The following COX19 variants were observed in gnomAD, a reference collection of about 807,000 sequenced individuals.
COX19 encodes the protein cytochrome c oxidase assembly protein COX19.
In COX19, 8 loss-of-function variants were observed where a neutral mutation model predicts 6.8. The observed-to-expected ratio is 1.18, with a 90% CI of 0.69 to 2.12. The LOEUF (loss-of-function observed/expected upper bound fraction) is 2.12. Ranked by LOEUF, COX19 falls within the 30% of genes most tolerant of loss-of-function variation. The pLI, the probability that COX19 is intolerant of heterozygous loss-of-function variation, is 0.00. For synonymous variants in COX19, 51 were observed against 38.0 expected (o/e 1.34, Z -1.26); for missense variants, 131 against 104.6 (o/e 1.25, Z -1.10).
intron 2 of COX19, 137 bp from the exon 3 acceptor site, chr7:969,593 T>TCGGCCC (rs1301694367): frequency 1.7e-5 from 12 of 686,152 alleles, no homozygotes; most frequent in Non-Finnish European, 3.1e-5. Flanking sequence ...CCCCTCGGCC[T>TCGGCCC]CGGCCCCCGT....
In COX19 at chr7:972,377, C is replaced by T. The variant is rs374096466; in HGVS notation, c.194+804G>A. Among the ~76,000 whole-genome samples, 25 of 152,264 alleles carry T rather than the reference C, an allele frequency of 1.6e-4. 1 individual carries two copies. The highest frequency in any genetic ancestry group is 5.8e-4 in the African/African-American group (24 of 41,546). On this transcript the variant is annotated intron_variant, in intron 2 of 2. Transcript: ENST00000344111. ...ATAACCCCGAACACACCTGTGTGGC[C>T]GGAAAGGCACAACGGATTTTTGCCT...
At chr7:970,180 G>C (rs1847616394) in intron 2 of COX19, among the ~76,000 whole-genome samples, 1 of 151,948 alleles carries the variant, frequency 6.6e-6, no homozygotes, top group Non-Finnish European at 1.5e-5. Flanking sequence ...TATTGCCCAG[G>C]CTGGAGTGCA....
At chr7:975,332 A>C (rs1847690091) in intron 1 of COX19, 96 bp downstream of exon 1, 5 of 968,344 alleles carry the variant, frequency 5.2e-6, no homozygotes, top group Non-Finnish European at 7.5e-6. Flanking sequence ...CCCCGCCTGC[A>C]CCGCGCTAGA....
chr7:968,526 C>T lies in COX19; in HGVS notation c.*852G>A, dbSNP rs1443827820. The T allele has an allele frequency of 1.3e-5, 2 of 152,312 alleles. No homozygotes were observed. Among genetic ancestry groups the T allele is most frequent in the Non-Finnish European group, 2.9e-5 (2 of 68,084 alleles). The allele number at this position is 152,312 out of a possible 1,614,324, so 9.4% of individuals were successfully genotyped here. ...AGATGTGCAGGCACCTGCGTTCCATCCACAGGTTTGGGCCCCGGCTGGCCT... is the reference window on the plus strand; with the variant it reads ...AGATGTGCAGGCACCTGCGTTCCATTCACAGGTTTGGGCCCCGGCTGGCCT... On this transcript the variant is annotated 3_prime_UTR_variant, in exon 3 of 3. Transcript: ENST00000344111.
At chr7:969,666 G>A (rs966368001) in intron 2 of COX19, among the ~76,000 whole-genome samples, 12 of 152,076 alleles carry the variant, frequency 7.9e-5, no homozygotes, top group Admixed American at 5.2e-4. Context: ...ACCTAGAGAC[G>A]TCCCAGGGCC....
At chr7:970,209 A>G (rs1847616817) in intron 2 of COX19, among the ~76,000 whole-genome samples, 1 of 151,786 alleles carries the variant, frequency 6.6e-6, no homozygotes, top group Non-Finnish European at 1.5e-5. Flanking sequence ...ATCTCGGCTC[A>G]CTGCAGCCTC....
chr7:974,028 A>G (rs1847669773), intron 1 of COX19, among the ~76,000 whole-genome samples: 1 of 151,426 alleles, frequency 6.6e-6, no homozygotes, highest in African/African-American at 2.4e-5. Flanking sequence ...TTAAAATAAA[A>G]AATAAAAAAA....
rs934293413 is a variant in COX19 at position 967,188 on chromosome 7, G to A, written c.*2190C>T. 1 of 152,158 alleles carries A rather than the reference G, an allele frequency of 6.6e-6. No individual in the cohort carries two copies. Among genetic ancestry groups the A allele is most frequent in the African/African-American group, 2.4e-5 (1 of 41,418 alleles). The allele number at this position is 152,158 out of a possible 1,614,324, so 9.4% of individuals were successfully genotyped here. ...CTGTCAGTTTTGCTGTCACATCTCA[G>A]ACTTGATCACAGGTACGTACAGGAA... On this transcript the variant is annotated 3_prime_UTR_variant, in exon 3 of 3. Coordinates refer to ENST00000344111, the MANE Select transcript of COX19 (RefSeq NM_001031617.3).
intron 2 of COX19, chr7:972,740 T>A (rs1847652550): frequency 6.6e-6 from 1 of 152,516 alleles, no homozygotes; most frequent in Non-Finnish European, 1.5e-5. Flanking sequence ...TCTTAAATAG[T>A]CTATTGTCCT....
In COX19 at chr7:965,036, C is replaced by G. The variant is rs1847531501; in HGVS notation, c.*4342G>C. 5.9e-5 allele frequency among the ~76,000 whole-genome samples: 9 copies of G among 152,334 alleles called. No individual in the cohort carries two copies. In the South Asian group the frequency reaches 1.9e-3, roughly 32 times the overall value. On this transcript the variant is annotated 3_prime_UTR_variant, in exon 3 of 3. Coordinates refer to ENST00000344111, the MANE Select transcript of COX19 (RefSeq NM_001031617.3). ...CATTCAGCAGCCAGACCCAGAAACT[C>G]AAAGGCAGCGTTGGGAAGCCACTGC... is the stretch of plus-strand genomic sequence containing the variant.
At chr7:971,733 A>T (rs1265893869) in intron 2 of COX19, among the ~76,000 whole-genome samples, 1 of 151,960 alleles carries the variant, frequency 6.6e-6, no homozygotes, top group Admixed American at 6.6e-5. Flanking sequence ...TAGCCGGGCA[A>T]GGTGGCAGGC....
In COX19 at chr7:967,005, G is replaced by A. The variant is rs751812298; in HGVS notation, c.*2373C>T. On this transcript the variant is annotated 3_prime_UTR_variant, in exon 3 of 3. Transcript: ENST00000344111. ...AGAACAGGACAGTGGTGATGCTGGC[G>A]ACTCAGACACACCAGAGAAGCTGCC... The A allele has an allele frequency of 1.3e-5, 2 of 152,266 alleles. No homozygotes were observed. Among genetic ancestry groups the A allele is most frequent in the African/African-American group, 2.4e-5 (1 of 41,528 alleles). The allele number at this position is 152,266 out of a possible 1,614,324, so 9.4% of individuals were successfully genotyped here.
intron 1 of COX19, 130 bp downstream of exon 1, chr7:975,298 G>A (rs904150834): frequency 1.4e-5 from 9 of 666,536 alleles, no homozygotes; most frequent in African/African-American, 5.8e-5. Context: ...TGGGGCGGAG[G>A]GGCGGGCCGC....
Position 975,474 on chromosome 7 carries a change from G to C in COX19, c.36C>G (p.Phe12Leu), listed in dbSNP as rs138613071. 964 of 1,603,334 alleles carry C rather than the reference G, an allele frequency of 6.0e-4. 7 individuals carry two copies. The African/African-American group carries it at 0.011, about 19-fold the overall frequency. Residue 12 changes from phenylalanine to leucine, a missense_variant, in exon 1 of 3, where the codon TTC (phenylalanine) becomes TTG (leucine). By Grantham distance (22) the Phe-to-Leu change is conservative. Transcript: ENST00000344111. Reference protein sequence around the residue: ...STAMNFGTKSFQPRPPDKGSF... With the variant: ...STAMNFGTKSLQPRPPDKGSF... The stretch of plus-strand genomic sequence containing the variant: ...TGCCCTTGTCCGGGGGCCGCGGCTG[G>C]AAGCTCTTGGTCCCGAAATTCATGG...
intron 2 of COX19, among the ~76,000 whole-genome samples, chr7:971,687 C>T (rs1279957168): frequency 1.3e-5 from 2 of 151,906 alleles, no homozygotes; most frequent in Non-Finnish European, 1.5e-5. Context: ...CTGGCTAACA[C>T]GGTGAAACCC....
chr7:975,526 T>A lies in COX19; in HGVS notation c.-17A>T, dbSNP rs773879377. The stretch of plus-strand genomic sequence containing the variant: ...GGTCGACATGTTGGCGACTCCGGAG[T>A]CTGCGAGCGCCTTGCGAGCGTACGC... On this transcript the variant is annotated 5_prime_UTR_variant, in exon 1 of 3. Transcript: ENST00000344111. 1 of 1,596,124 alleles carries A rather than the reference T, an allele frequency of 6.3e-7. No homozygotes were observed. Among genetic ancestry groups the A allele is most frequent in the Non-Finnish European group, 8.5e-7 (1 of 1,172,450 alleles).
At chr7:971,366 A>T (rs1384237006) in intron 2 of COX19, among the ~76,000 whole-genome samples, 1 of 152,214 alleles carries the variant, frequency 6.6e-6, no homozygotes, top group East Asian at 1.9e-4. Context: ...GTTGGAGTAA[A>T]GTAATGTCTA....
chr7:969,139 C>T lies in COX19; in HGVS notation c.*239G>A. On this transcript the variant is annotated 3_prime_UTR_variant, in exon 3 of 3. Coordinates refer to ENST00000344111, the MANE Select transcript of COX19 (RefSeq NM_001031617.3). ...GACAAGGGTCTTGCCCCACGCTCGC[C>T]TCCCTCCCAGCTTTGCCGGGAACGC... 1 of 488,248 alleles carries T rather than the reference C, an allele frequency of 2.0e-6. No individual in the cohort carries two copies. 30.2% of individuals were successfully genotyped at this position (488,248 alleles called of 1,614,324 possible).
chr7:974,454 C>G (rs951939635), intron 1 of COX19, among the ~76,000 whole-genome samples: 1 of 152,080 alleles, frequency 6.6e-6, no homozygotes, highest in Non-Finnish European at 1.5e-5. Flanking sequence ...CAAACCCAAA[C>G]TTGTTTCCTT....
Sources: gnomAD v4.1 joint callset for allele counts (sites outside exome capture counted in the v4.1 genomes callset) on GRCh38, gnomAD v4.1.1 for gene constraint, MANE v1.5 for transcripts, NCBI Gene and HGNC (gene_info 2026-07-23, HGNC 2026-07-21) for gene names.